The following LCN12 variants were observed in gnomAD, a reference collection of about 807,000 sequenced individuals.
LCN12 encodes lipocalin 12, also known as epididymal-specific lipocalin-12.
LCN12 carries 15 observed loss-of-function variants against 23.7 expected under a neutral mutation model. That is an observed-to-expected ratio of 0.63 (90% CI 0.42 to 0.97). The LOEUF (loss-of-function observed/expected upper bound fraction) is 0.97. Among genes scored for constraint, LCN12 ranks in the 50% least tolerant of loss-of-function variants. LCN12 has a pLI of 0.00. For synonymous variants in LCN12, 116 were observed against 111.5 expected, an observed-to-expected ratio of 1.04 and a Z score of -0.25; for missense variants, 219 against 249.6, an observed-to-expected ratio of 0.88 and a Z score of 0.83.
intron 4 of LCN12, 35 bp downstream of exon 4, chr9:136,953,999 G>T: frequency 6.3e-7 from 1 of 1,595,064 alleles, no homozygotes; most frequent in Non-Finnish European, 8.5e-7. Flanking sequence ...CCCGTGTGTG[G>T]CCCTGGAGGC....
At position 136,955,441 on chromosome 9, in the gene LCN12, C is replaced by A; in HGVS notation, c.*42C>A. The A allele has an allele frequency of 6.3e-7, 1 of 1,587,946 alleles. No individual in the cohort carries two copies. The highest frequency in any genetic ancestry group is 8.6e-7 in the Non-Finnish European group (1 of 1,157,504). On this transcript the variant is annotated 3_prime_UTR_variant, in exon 6 of 6. Transcript: ENST00000371633. ...TGTCCGGCCCAGCCCTGCCTCACAG[C>A]TGTGCGAGCTCTGCCCTCCTCAGCT...
In LCN12 at chr9:136,954,151, C is replaced by G; in HGVS notation, c.449-3C>G. The G allele has an allele frequency of 6.5e-7, 1 of 1,548,998 alleles. No homozygotes were observed. The highest frequency in any genetic ancestry group is 1.4e-5 in the African/African-American group (1 of 73,586). On this transcript the variant is annotated splice_polypyrimidine_tract_variant and splice_region_variant and intron_variant, in intron 4 of 5. Coordinates refer to ENST00000371633, the MANE Select transcript of LCN12 (RefSeq NM_178536.4). Reference sequence around the variant, plus strand: ...GACCCATGCTGGGCTCCCTGGGCTGCAGGCAGGAGCTGGTTGCTGCCTCCC... The same window carrying G: ...GACCCATGCTGGGCTCCCTGGGCTGGAGGCAGGAGCTGGTTGCTGCCTCCC...
Position 136,953,724 on chromosome 9 carries a change from T to C in LCN12, c.276T>C (p.Ser92=). Residue 92 remains serine, a synonymous_variant, in exon 3 of 6, where the codon TCT becomes TCC. Transcript: ENST00000371633. ...MTRGQHCDTW[S]YVLIPAAQPG... is the part of the protein sequence containing the mutation. ...GAGGCCAGCACTGTGACACATGGTC[T>C]TATGTGCTGATACCGGCAGCCCAGC... The C allele has an allele frequency of 1.2e-6, 2 of 1,601,970 alleles. No individual in the cohort carries two copies. Among genetic ancestry groups the C allele is most frequent in the Non-Finnish European group, 1.7e-6 (2 of 1,174,518 alleles).
chr9:136,952,332 G>A lies in LCN12; in HGVS notation c.5G>A (p.Arg2Lys), dbSNP rs928854198. 1.2e-6 allele frequency: 2 copies of A among 1,609,504 alleles called. No homozygotes were observed. Among genetic ancestry groups the A allele is most frequent in the Non-Finnish European group, 1.7e-6 (2 of 1,177,684 alleles). The change falls in exon 1 of 6, where the codon AGG becomes AAG. Residue 2 changes from arginine to lysine, a missense_variant. Arg to Lys is a conservative substitution (Grantham distance 26). Transcript: ENST00000371633. The part of the protein sequence containing the change: M[R>K]LLCGLWLWLS... ...GTGGGCCCAGCAGCTGCCAGGATGA[G>A]GCTGCTGTGTGGCCTGTGGCTGTGG...
intron 2 of LCN12, 155 bp from the exon 3 acceptor site, chr9:136,953,545 G>C: frequency 1.7e-6 from 1 of 598,084 alleles, no homozygotes; most frequent in Non-Finnish European, 3.0e-6. Context: ...AGACCAGCCT[G>C]AGCAACATAG....
chr9:136,952,881 C>A lies in LCN12; in HGVS notation c.115-11C>A. On this transcript the variant is annotated splice_polypyrimidine_tract_variant and intron_variant, in intron 1 of 5. Transcript: ENST00000371633. ...GCCCACCGCCGCCCCTGCCCACCAC[C>A]GCCTCTGTAGTTCCAGGGGGAATGG... The A allele has an allele frequency of 6.2e-7, 1 of 1,610,598 alleles. No homozygotes were observed. Among genetic ancestry groups the A allele is most frequent in the Non-Finnish European group, 8.5e-7 (1 of 1,179,182 alleles).
rs199664164 is a variant in LCN12, at chr9:136,953,874, C to T, written c.358C>T (p.Arg120Trp). 38 of 1,605,074 alleles carry T rather than the reference C, an allele frequency of 2.4e-5. No individual in the cohort carries two copies. The highest frequency in any genetic ancestry group is 1.6e-4 in the Middle Eastern group (1 of 6,072). ...GCCCGGGGCGGACAGAGAGGAGACC[C>T]GGGTGGTGGACAGCGACTACACCCA... is the stretch of plus-strand genomic sequence containing the variant. ...VEPGADREET[R>W]VVDSDYTQFA... The change falls in exon 4 of 6, where the codon CGG (arginine) becomes TGG (tryptophan). Residue 120 changes from arginine to tryptophan, a missense_variant. By Grantham distance (101) the Arg-to-Trp change is moderately radical. Coordinates refer to ENST00000371633, the MANE Select transcript of LCN12 (RefSeq NM_178536.4).
chr9:136,953,074 G>A (rs895900598), intron 2 of LCN12, 46 bp downstream of exon 2: 1 of 1,606,876 alleles, frequency 6.2e-7, no homozygotes, highest in Non-Finnish European at 8.5e-7. Flanking sequence ...GAGGATCCCG[G>A]GCCTGGGTCC....
chr9:136,950,038 G>C (rs1184277061), upstream of LCN12, among the ~76,000 whole-genome samples: 1 of 151,982 alleles, frequency 6.6e-6, no homozygotes, highest in Non-Finnish European at 1.5e-5. Flanking sequence ...TCCCCCGGGA[G>C]CCCCGCAGGT....
Position 136,955,304 on chromosome 9 carries a change from G to A in LCN12, c.551-67G>A, listed in dbSNP as rs1851296986. Reference sequence around the variant, plus strand: ...CTGCCCCTCCTTTGTGCCCTCCCTTGCTTCCTCCTGGGCTCTGTCCCCTGC... The same window carrying A: ...CTGCCCCTCCTTTGTGCCCTCCCTTACTTCCTCCTGGGCTCTGTCCCCTGC... On this transcript the variant is annotated intron_variant, in intron 5 of 5. Coordinates refer to ENST00000371633, the MANE Select transcript of LCN12 (RefSeq NM_178536.4). 36 of 1,566,932 alleles carry A rather than the reference G, an allele frequency of 2.3e-5. No individual in the cohort carries two copies. In the South Asian group the frequency reaches 4.1e-4, roughly 18 times the overall value.
intron 1 of LCN12, 151 bp downstream of exon 1, chr9:136,952,592 G>T (rs1851184402): frequency 6.1e-6 from 4 of 650,660 alleles, no homozygotes; most frequent in South Asian, 5.8e-5. Context: ...CTCCAGCAGA[G>T]GAGGGCCCAG....
intron 5 of LCN12, chr9:136,954,734 G>A: frequency 7.7e-7 from 1 of 1,291,026 alleles, no homozygotes; most frequent in Non-Finnish European, 1.0e-6. Context: ...GAGGTGCCCT[G>A]GACCTCAGCA....
upstream of LCN12, among the ~76,000 whole-genome samples, chr9:136,950,134 C>T (rs970832601): frequency 7.2e-5 from 11 of 152,226 alleles, no homozygotes; most frequent in African/African-American, 2.4e-4. Flanking sequence ...GATTGGGCGG[C>T]GGAGGTCACG....
intron 2 of LCN12, 29 bp downstream of exon 2, chr9:136,953,057 G>A (rs905789508): frequency 1.7e-5 from 27 of 1,610,958 alleles, no homozygotes; most frequent in East Asian, 8.9e-5. Flanking sequence ...CGTTCCAAGC[G>A]GGTGAGGAGG....
chr9:136,952,206 AGAGGGGCACACCCCCTTGG>A (rs560379340), upstream of LCN12: 1 of 727,934 alleles, frequency 1.4e-6, no homozygotes, highest in Admixed American at 2.1e-5. Flanking sequence ...GGAGGGAGGC[AGAGGGGCACACCCCCTTGG>A]GAGGGGCACC....
At chr9:136,950,818 A>G (rs560274265), upstream of LCN12, among the ~76,000 whole-genome samples, 55 of 152,276 alleles carry the variant, frequency 3.6e-4, no homozygotes, top group Admixed American at 1.4e-3. Flanking sequence ...GAGGCCTGGG[A>G]CAGAGCCCAG....
At chr9:136,950,204 TG>T (rs1347432250), upstream of LCN12, among the ~76,000 whole-genome samples, 2 of 151,820 alleles carry the variant, frequency 1.3e-5, no homozygotes, top group East Asian at 1.9e-4. Context: ...TGCCCCGCGG[TG>T]GGGGGAGGAG....
chr9:136,952,565 C>G, intron 1 of LCN12, 124 bp downstream of exon 1: 1 of 724,120 alleles, frequency 1.4e-6, no homozygotes, highest in Non-Finnish European at 2.3e-6. Flanking sequence ...CCAGGAGCCC[C>G]CAGGCGGGCC....
rs1851256063 is a variant in LCN12, at chr9:136,954,237, G to A, written c.532G>A (p.Val178Ile). Residue 178 changes from valine to isoleucine, a missense_variant, in exon 5 of 6, where the codon GTC (valine) becomes ATC (isoleucine). Physicochemically the swap from Val to Ile is conservative, Grantham distance 29. Coordinates refer to ENST00000371633, the MANE Select transcript of LCN12 (RefSeq NM_178536.4). Reference sequence around the variant, plus strand: ...TCAGGGCCTCTCGGATGACAACATCGTCTTCCCAGATGTGACTGGTAACAT... The same window carrying A: ...TCAGGGCCTCTCGGATGACAACATCATCTTCCCAGATGTGACTGGTAACAT... ...RAQGLSDDNI[V>I]FPDVTGWSPQ... 3 of 1,571,252 alleles carry A rather than the reference G, an allele frequency of 1.9e-6. No homozygotes were observed. The highest frequency in any genetic ancestry group is 1.4e-5 in the African/African-American group (1 of 73,856).
Sources: allele counts gnomAD v4.1 joint callset (sites outside exome capture counted in the v4.1 genomes callset), GRCh38; gene constraint gnomAD v4.1.1; transcripts MANE v1.5; gene names NCBI Gene and HGNC (gene_info 2026-07-23, HGNC 2026-07-21).